The following TENM3 variants were observed in gnomAD, a reference collection of about 807,000 sequenced individuals.
TENM3 encodes teneurin transmembrane protein 3, also known as teneurin-3.
In TENM3, 63 loss-of-function variants were observed where a neutral mutation model predicts 255.1. That is an observed-to-expected ratio of 0.25 (90% CI 0.20 to 0.30). TENM3 has a LOEUF of 0.30. TENM3 is among the 10% of genes least tolerant of loss of function. The probability of loss-of-function intolerance (pLI) is 1.00; values close to 1 mark genes in which losing one functional copy is unlikely to be tolerated. For synonymous variants in TENM3, 1,306 were observed against 1,322.3 expected, an observed-to-expected ratio of 0.99 and a Z score of 0.27; for missense variants, 2,929 against 3,461.1, an observed-to-expected ratio of 0.85 and a Z score of 3.86.
chr4:181,512,994 G>A, the TENM3 span, among the ~76,000 whole-genome samples: 1 of 152,110 alleles, frequency 6.6e-6, no homozygotes, highest in Admixed American at 6.5e-5. Context: ...GGAAACAAAT[G>A]GGCAAGGGTA....
the TENM3 span, among the ~76,000 whole-genome samples, chr4:181,612,514 G>T: frequency 4.0e-5 from 6 of 151,632 alleles, no homozygotes; most frequent in East Asian, 1.2e-3. Flanking sequence ...GTGTGTGTGT[G>T]TGTGTGTGTC....
At chr4:182,336,588 G>C (rs1241772307) in intron 2 of TENM3, among the ~76,000 whole-genome samples, 1 of 152,278 alleles carries the variant, frequency 6.6e-6, no homozygotes, top group South Asian at 2.1e-4. Flanking sequence ...ACCCTTTGGG[G>C]GTTGGAGAAG....
chr4:181,736,571 C>T, the TENM3 span, among the ~76,000 whole-genome samples: 2 of 151,652 alleles, frequency 1.3e-5, no homozygotes, highest in Admixed American at 1.3e-4. Context: ...CCTGGTTCAC[C>T]CAGGAAAAAC....
the TENM3 span, among the ~76,000 whole-genome samples, chr4:181,800,225 G>A: frequency 5.3e-5 from 8 of 152,272 alleles, no homozygotes; most frequent in East Asian, 1.9e-4. Context: ...TGTATTCTAC[G>A]TAGACTGAAC....
chr4:182,714,914 C>T (rs984858401), intron 13 of TENM3, among the ~76,000 whole-genome samples: 17 of 152,132 alleles, frequency 1.1e-4, no homozygotes, highest in African/African-American at 3.9e-4. Flanking sequence ...GATAGAGTTT[C>T]GCTCTTGTTG....
chr4:181,830,324 A>G, the TENM3 span, among the ~76,000 whole-genome samples: 3 of 152,076 alleles, frequency 2.0e-5, no homozygotes, highest in Non-Finnish European at 4.4e-5. Context: ...GCTGGAGTGC[A>G]ATGGCACAAT....
intron 12 of TENM3, among the ~76,000 whole-genome samples, chr4:182,693,102 G>A (rs1260671686): frequency 1.3e-5 from 2 of 152,024 alleles, no homozygotes; most frequent in African/African-American, 4.8e-5. Flanking sequence ...CAGATCATTT[G>A]GGGTTTGTTT....
In TENM3 at chr4:182,343,899, A is replaced by T. The variant is rs182559022; in HGVS notation, c.233-2752A>T. Among the ~76,000 whole-genome samples, 368 of 152,308 alleles carry T rather than the reference A, an allele frequency of 2.4e-3. 1 individual carries two copies. The highest frequency in any genetic ancestry group is 8.7e-3 in the African/African-American group (363 of 41,562). On this transcript the variant is annotated intron_variant, in intron 2 of 27. Transcript: ENST00000511685. ...ACTGAGGAGAAGTGACAACAATAGA[A>T]TGTGAAGCACTGAGGGAGGTCTGGA...
intron 3 of TENM3, among the ~76,000 whole-genome samples, chr4:182,390,412 G>A (rs1039743243): frequency 9.2e-5 from 14 of 152,128 alleles, no homozygotes; most frequent in Admixed American, 2.0e-4. Flanking sequence ...TGTTGTGGTG[G>A]TTGTTGTTGC....
At chr4:181,906,061 C>T in the TENM3 span, 98 of 358,676 alleles carry the variant, frequency 2.7e-4, no homozygotes, top group Middle Eastern at 4.2e-3. Context: ...ATCAGACTGT[C>T]CAATAAATAA....
the TENM3 span, among the ~76,000 whole-genome samples, chr4:182,134,587 G>A: frequency 6.6e-6 from 1 of 152,166 alleles, no homozygotes; most frequent in Non-Finnish European, 1.5e-5. Context: ...TGGATTAAAA[G>A]TGCTGGACTT....
chr4:181,570,035 CT>C, the TENM3 span, among the ~76,000 whole-genome samples: 13,150 of 113,660 alleles, frequency 0.12, 350 homozygotes, highest in African/African-American at 0.16. Flanking sequence ...ACAAATGTTT[CT>C]TTTTTTTTTT....
At chr4:182,178,271 T>C (rs751940183) in intron 1 of TENM3, among the ~76,000 whole-genome samples, 2 of 152,204 alleles carry the variant, frequency 1.3e-5, no homozygotes, top group African/African-American at 2.4e-5. Context: ...TTTATTCTTT[T>C]AGATAGATGG....
the TENM3 span, among the ~76,000 whole-genome samples, chr4:181,612,077 G>A: frequency 1.2e-3 from 182 of 152,150 alleles, 2 homozygotes; most frequent in Non-Finnish European, 2.2e-4. Context: ...CAGGGATCTC[G>A]TGTTCCTTTG....
rs199620752 is a variant in TENM3 at position 182,612,485 on chromosome 4, G to A, written c.749+11324G>A. ...GTATAGGTTCCACGATCACCCATGC[G>A]TAAAATATTATAAAAGCTTAATATC... is the stretch of plus-strand genomic sequence containing the variant. On this transcript the variant is annotated intron_variant, in intron 4 of 27. Transcript: ENST00000511685. 1.1e-4 allele frequency among the ~76,000 whole-genome samples: 17 copies of A among 152,150 alleles called. No homozygotes were observed. The East Asian group carries it at 2.5e-3, about 22-fold the overall frequency.
chr4:182,586,454 A>G (rs576687197), intron 3 of TENM3, among the ~76,000 whole-genome samples: 17 of 152,222 alleles, frequency 1.1e-4, no homozygotes, highest in Non-Finnish European at 2.4e-4. Context: ...CAGTCAAAGC[A>G]GCATAAAAGC....
chr4:181,726,711 A>G, the TENM3 span, among the ~76,000 whole-genome samples: 1 of 152,168 alleles, frequency 6.6e-6, no homozygotes, highest in Non-Finnish European at 1.5e-5. Flanking sequence ...CCTGTAATTC[A>G]GTTCAATTCT....
chr4:181,658,180 GAGA>G, the TENM3 span, among the ~76,000 whole-genome samples: 1 of 152,138 alleles, frequency 6.6e-6, no homozygotes, highest in Non-Finnish European at 1.5e-5. Flanking sequence ...AAAAATACAT[GAGA>G]AGGTCACTAG....
intron 3 of TENM3, among the ~76,000 whole-genome samples, chr4:182,594,038 G>T (rs1312863742): frequency 6.6e-6 from 1 of 151,972 alleles, no homozygotes; most frequent in Non-Finnish European, 1.5e-5. Context: ...TTTCTTCTTG[G>T]CATGATCCTG....
Sources: allele counts gnomAD v4.1 joint callset (sites outside exome capture counted in the v4.1 genomes callset), GRCh38; gene constraint gnomAD v4.1.1; transcripts MANE v1.5; gene names NCBI Gene and HGNC (gene_info 2026-07-23, HGNC 2026-07-21).